Variants in HYAL4 observed in about 807,000 individuals in gnomAD.
HYAL4 encodes the protein hyaluronidase 4.
In HYAL4, 37 loss-of-function variants were observed where a neutral mutation model predicts 35.2. That is an observed-to-expected ratio of 1.05 (90% CI 0.81 to 1.38). The LOEUF (loss-of-function observed/expected upper bound fraction) is 1.38. HYAL4 is among the 40% of genes most tolerant of loss of function. The probability of loss-of-function intolerance (pLI) is 0.00; values close to 1 mark genes in which losing one functional copy is unlikely to be tolerated. For synonymous variants in HYAL4, 198 were observed against 203.2 expected, an observed-to-expected ratio of 0.97 and a Z score of 0.22; for missense variants, 572 against 572.4, an observed-to-expected ratio of 1.00 and a Z score of 0.01.
chr7:123,815,625 G>T, the HYAL4 span, among the ~76,000 whole-genome samples: 2 of 152,192 alleles, frequency 1.3e-5, no homozygotes, highest in Non-Finnish European at 2.9e-5. Flanking sequence ...GAAGCCTACA[G>T]ATGTGGAGAT....
chr7:123,787,417 C>T, the HYAL4 span, among the ~76,000 whole-genome samples: 1 of 152,082 alleles, frequency 6.6e-6, no homozygotes, highest in Admixed American at 6.5e-5. Context: ...CCCATGTGGC[C>T]TGTTTGAAGG....
At chr7:123,827,536 C>T (rs942504304), upstream of HYAL4, among the ~76,000 whole-genome samples, 2 of 151,872 alleles carry the variant, frequency 1.3e-5, no homozygotes, top group Non-Finnish European at 2.9e-5. Context: ...TCTTAGAAAC[C>T]TCCTCAGATG....
chr7:123,834,795 A>G (rs950606985), intron 1 of HYAL4, among the ~76,000 whole-genome samples: 39 of 152,236 alleles, frequency 2.6e-4, no homozygotes, highest in African/African-American at 8.7e-4. Context: ...ATAAAGGGAC[A>G]ATGGATTTTG....
chr7:123,846,798 C>CA (rs527610715), intron 1 of HYAL4, among the ~76,000 whole-genome samples: 1 of 152,210 alleles, frequency 6.6e-6, no homozygotes, highest in Non-Finnish European at 1.5e-5. Flanking sequence ...CCAGGGGACT[C>CA]AGAGAGTCCA....
upstream of HYAL4, among the ~76,000 whole-genome samples, chr7:123,840,834 T>C (rs989489735): frequency 2.0e-5 from 3 of 152,034 alleles, no homozygotes; most frequent in Admixed American, 6.5e-5. Flanking sequence ...TGCACATTGA[T>C]TTTGTGTCCT....
intron 2 of HYAL4, among the ~76,000 whole-genome samples, chr7:123,863,730 A>C (rs572533717): frequency 3.9e-5 from 6 of 152,300 alleles, no homozygotes; most frequent in Admixed American, 3.3e-4. Context: ...TCTGAGAGTA[A>C]ACTTGTCCAG....
At chr7:123,875,167 A>C (rs999871734) in intron 4 of HYAL4, among the ~76,000 whole-genome samples, 1 of 152,222 alleles carries the variant, frequency 6.6e-6, no homozygotes, top group African/African-American at 2.4e-5. Flanking sequence ...AGAGGAAACC[A>C]ACTAGGTTAA....
At chr7:123,849,293 C>CTCTCTCTT (rs902410875) in intron 2 of HYAL4, among the ~76,000 whole-genome samples, 1 of 151,894 alleles carries the variant, frequency 6.6e-6, no homozygotes, top group African/African-American at 2.4e-5. Context: ...CTCCCTCTCT[C>CTCTCTCTT]TCTCTCTTTC....
chr7:123,849,270 T>TCTCTCTCTCTCTCTCC lies in HYAL4; in HGVS notation c.-52+1127_-52+1142dup, dbSNP rs1169481533. Among the ~76,000 whole-genome samples the TCTCTCTCTCTCTCTCC allele has an allele frequency of 2.0e-5, 3 of 151,908 alleles. No individual in the cohort carries two copies. In the East Asian group the frequency reaches 5.8e-4, roughly 29 times the overall value. On this transcript the variant is annotated intron_variant, in intron 2 of 4. Coordinates refer to ENST00000223026, the MANE Select transcript of HYAL4 (RefSeq NM_012269.3). ...ACCTGAATAACTAATGTACAGTCTC[T>TCTCTCTCTCTCTCTCC]CTCTCTCTCTCTCTCCCTCTCTCTC...
chr7:123,830,304 C>G (rs1027748989), intron 1 of HYAL4, among the ~76,000 whole-genome samples: 1 of 152,106 alleles, frequency 6.6e-6, no homozygotes, highest in Non-Finnish European at 1.5e-5. Flanking sequence ...TAAACTCTTC[C>G]TATGCTTATG....
intron 1 of HYAL4, among the ~76,000 whole-genome samples, chr7:123,846,062 G>A (rs1168867322): frequency 1.3e-5 from 2 of 152,208 alleles, no homozygotes; most frequent in African/African-American, 2.4e-5. Context: ...TGGCAGCAGG[G>A]TGGAATGGAC....
the HYAL4 span, among the ~76,000 whole-genome samples, chr7:123,790,326 A>T: frequency 9.4e-4 from 143 of 152,296 alleles, no homozygotes; most frequent in African/African-American, 3.2e-3. Context: ...ATATTATTAT[A>T]AACAGTTTCT....
the HYAL4 span, among the ~76,000 whole-genome samples, chr7:123,804,811 G>C: frequency 6.6e-6 from 1 of 152,180 alleles, no homozygotes; most frequent in East Asian, 1.9e-4. Context: ...ATAGATTATA[G>C]ACATTATTCC....
At chr7:123,829,385 A>AT (rs368382500) in intron 1 of HYAL4, 3 of 152,106 alleles carry the variant, frequency 2.0e-5, no homozygotes, top group African/African-American at 7.2e-5. Flanking sequence ...TACAATGCCA[A>AT]TTTTTTCTTG....
At chr7:123,859,412 A>G (rs1386502894) in intron 2 of HYAL4, among the ~76,000 whole-genome samples, 1 of 152,224 alleles carries the variant, frequency 6.6e-6, no homozygotes, top group African/African-American at 2.4e-5. Context: ...CTTCAAGCTT[A>G]TCATCAGTGT....
chr7:123,811,685 C>T, the HYAL4 span, among the ~76,000 whole-genome samples: 1 of 152,036 alleles, frequency 6.6e-6, no homozygotes, highest in African/African-American at 2.4e-5. Flanking sequence ...TTAATGAAAT[C>T]CAGTTTGTCA....
At chr7:123,800,515 T>C in the HYAL4 span, among the ~76,000 whole-genome samples, 2 of 151,714 alleles carry the variant, frequency 1.3e-5, no homozygotes, top group African/African-American at 2.4e-5. Context: ...AAGAAGTTTT[T>C]CTTTTGATAG....
At chr7:123,828,647 A>G (rs540293616), upstream of HYAL4, among the ~76,000 whole-genome samples, 1 of 152,304 alleles carries the variant, frequency 6.6e-6, no homozygotes, top group Non-Finnish European at 1.5e-5. Flanking sequence ...TCCCCATATT[A>G]ATGATATCTT....
At chr7:123,791,870 G>C in the HYAL4 span, among the ~76,000 whole-genome samples, 1 of 152,144 alleles carries the variant, frequency 6.6e-6, no homozygotes, top group African/African-American at 2.4e-5. Context: ...CCAAACACCT[G>C]TTCCCATACA....
Sources: allele counts gnomAD v4.1 joint callset (sites outside exome capture counted in the v4.1 genomes callset), GRCh38; gene constraint gnomAD v4.1.1; transcripts MANE v1.5; gene names NCBI Gene and HGNC (gene_info 2026-07-23, HGNC 2026-07-21).